VAV1: variants seen among roughly 807,000 people sequenced by gnomAD.
VAV1 encodes the protein proto-oncogene vav.
Under a neutral mutation model 128.1 loss-of-function variants are expected in VAV1, and 33 were observed. That is an observed-to-expected ratio of 0.26 (90% CI 0.20 to 0.34). The LOEUF (loss-of-function observed/expected upper bound fraction) is 0.34. Among genes scored for constraint, VAV1 ranks in the 10% least tolerant of loss-of-function variants. The pLI is 1.00. For synonymous variants in VAV1, 394 were observed against 409.8 expected (o/e 0.96, Z 0.47); for missense variants, 715 against 1,093.7 (o/e 0.65, Z 4.88).
At position 6,825,300 on chromosome 19, in the gene VAV1, T is replaced by C. The variant is rs2144777024; in HGVS notation, c.724-3T>C. On this transcript the variant is annotated splice_polypyrimidine_tract_variant and splice_region_variant and intron_variant, in intron 7 of 26. Coordinates refer to ENST00000602142, the MANE Select transcript of VAV1 (RefSeq NM_005428.4). ...CCCAGCCCTCACCCTTCCCTCCGAGTAGGACCTGCTTCGTGTTCATACTCA... is the reference window on the plus strand; with the variant it reads ...CCCAGCCCTCACCCTTCCCTCCGAGCAGGACCTGCTTCGTGTTCATACTCA... 1 of 1,610,776 alleles carries C rather than the reference T, an allele frequency of 6.2e-7. No individual in the cohort carries two copies. Among genetic ancestry groups the C allele is most frequent in the East Asian group, 2.2e-5 (1 of 44,778 alleles).
At chr19:6,849,509 C>T (rs530430545) in intron 23 of VAV1, among the ~76,000 whole-genome samples, 1 of 150,320 alleles carries the variant, frequency 6.7e-6, no homozygotes, top group Non-Finnish European at 1.5e-5. Context: ...GGGAAAGTTT[C>T]ACCATGTTGG....
At chr19:6,786,067 T>TA (rs1280208907) in intron 1 of VAV1, among the ~76,000 whole-genome samples, 1 of 152,122 alleles carries the variant, frequency 6.6e-6, no homozygotes, top group Non-Finnish European at 1.5e-5. Flanking sequence ...CCATAGCACT[T>TA]AGTGCTCTCT....
Position 6,778,357 on chromosome 19 carries a change from C to T in VAV1, c.204+5346C>T, listed in dbSNP as rs75889945. On this transcript the variant is annotated intron_variant, in intron 1 of 26. Transcript: ENST00000602142. ...CACCAGGACATGGGAGCTGGTTAGA[C>T]CTAGGATGTGGGCAGCTGCTGGGGC... 6.2e-3 allele frequency among the ~76,000 whole-genome samples: 949 copies of T among 152,182 alleles called. 10 individuals carry two copies. Among genetic ancestry groups the T allele is most frequent in the African/African-American group, 0.019 (809 of 41,536 alleles).
chr19:6,775,343 C>T (rs1970599548), intron 1 of VAV1, among the ~76,000 whole-genome samples: 1 of 152,180 alleles, frequency 6.6e-6, no homozygotes, highest in Non-Finnish European at 1.5e-5. Context: ...GGATGAACTT[C>T]CATTCTTGTG....
In VAV1 at chr19:6,772,906, G is replaced by A; in HGVS notation, c.99G>A (p.Leu33=). The A allele has an allele frequency of 6.2e-7, 1 of 1,614,112 alleles. No individual in the cohort carries two copies. Among genetic ancestry groups the A allele is most frequent in the Non-Finnish European group, 8.5e-7 (1 of 1,179,992 alleles). The part of the protein sequence containing the change: ...VTWDGAQVCE[L]AQALRDGVLL... ...GGGATGGGGCTCAGGTGTGTGAACT[G>A]GCCCAGGCCCTCCGGGATGGTGTCC... Residue 33 remains leucine, a synonymous_variant, in exon 1 of 27, where the codon CTG becomes CTA. Transcript: ENST00000602142. The surrounding 1 kb of genome is among the most constrained non-coding windows in gnomAD (Gnocchi z 4.8).
chr19:6,788,011 A>C (rs1970932630), intron 1 of VAV1, among the ~76,000 whole-genome samples: 1 of 151,700 alleles, frequency 6.6e-6, no homozygotes, highest in Non-Finnish European at 1.5e-5. Flanking sequence ...TGGGAGGTGG[A>C]GCTGGCAGTG....
chr19:6,795,405 C>T (rs1971111380), intron 1 of VAV1, among the ~76,000 whole-genome samples: 1 of 152,076 alleles, frequency 6.6e-6, no homozygotes, highest in South Asian at 2.1e-4. Flanking sequence ...ATTGCAGGAT[C>T]GTTTTGAAGA....
At chr19:6,809,957 G>A (rs1971480186) in intron 1 of VAV1, among the ~76,000 whole-genome samples, 1 of 152,010 alleles carries the variant, frequency 6.6e-6, no homozygotes, top group Non-Finnish European at 1.5e-5. Context: ...AATTGTTTGA[G>A]GCCAGGAGTT....
At chr19:6,794,845 T>C (rs1971094951) in intron 1 of VAV1, among the ~76,000 whole-genome samples, 1 of 152,202 alleles carries the variant, frequency 6.6e-6, no homozygotes, top group Non-Finnish European at 1.5e-5. Flanking sequence ...ATAGTGATGA[T>C]GGTGCCTCAG....
At chr19:6,842,161 C>T (rs900535194) in intron 21 of VAV1, among the ~76,000 whole-genome samples, 5 of 151,880 alleles carry the variant, frequency 3.3e-5, no homozygotes, top group Admixed American at 2.6e-4. Context: ...ACCTGGGAGG[C>T]GGAGGTTGCT....
At chr19:6,848,364 T>TAA (rs1972577197) in intron 23 of VAV1, among the ~76,000 whole-genome samples, 1 of 152,134 alleles carries the variant, frequency 6.6e-6, no homozygotes, top group Non-Finnish European at 1.5e-5. Context: ...AGTCAGAGTC[T>TAA]CCCTCTGTCG....
At chr19:6,842,232 A>G (rs567182829) in intron 21 of VAV1, among the ~76,000 whole-genome samples, 22 of 152,248 alleles carry the variant, frequency 1.4e-4, no homozygotes, top group South Asian at 1.2e-3. Flanking sequence ...CTCTGTCTCA[A>G]AAAGAACAAA....
chr19:6,850,024 AG>A (rs1972625735), intron 23 of VAV1, among the ~76,000 whole-genome samples: 1 of 151,952 alleles, frequency 6.6e-6, no homozygotes. Flanking sequence ...TGCTTTCCGC[AG>A]TGGCTGAACC....
intron 19 of VAV1, among the ~76,000 whole-genome samples, chr19:6,834,999 C>T (rs965713027): frequency 2.9e-4 from 44 of 151,512 alleles, no homozygotes; most frequent in African/African-American, 1.0e-3. Context: ...GCCATGATCA[C>T]GCCACTGCAC....
At position 6,839,878 on chromosome 19, in the gene VAV1, G is replaced by A. The variant is rs548317311; in HGVS notation, c.1980+2828G>A. On this transcript the variant is annotated intron_variant, in intron 21 of 26. Transcript: ENST00000602142. ...GCTAATTTTTTGTATTTTTCGTAGC[G>A]ATGGGGTTTTGCCATGTTGCCCAGG... 1.8e-4 allele frequency among the ~76,000 whole-genome samples: 28 copies of A among 152,082 alleles called. 1 individual carries two copies. In the East Asian group the frequency reaches 3.5e-3, roughly 19 times the overall value.
At chr19:6,808,451 G>A (rs1181704916) in intron 1 of VAV1, among the ~76,000 whole-genome samples, 2 of 152,130 alleles carry the variant, frequency 1.3e-5, no homozygotes, top group Non-Finnish European at 2.9e-5. Flanking sequence ...AAGTAACAAG[G>A]ACTTAAATAA....
At chr19:6,851,169 T>G (rs957677018) in intron 24 of VAV1, among the ~76,000 whole-genome samples, 3 of 151,580 alleles carry the variant, frequency 2.0e-5, no homozygotes, top group East Asian at 1.9e-4. Flanking sequence ...TATAGATAGA[T>G]AGAGAGAGAG....
chr19:6,817,949 G>GTGC (rs1228055813), intron 1 of VAV1, among the ~76,000 whole-genome samples: 2 of 152,176 alleles, frequency 1.3e-5, no homozygotes, highest in Non-Finnish European at 2.9e-5. Context: ...GCCTCCCAAA[G>GTGC]TGCTGGGATT....
intron 1 of VAV1, among the ~76,000 whole-genome samples, chr19:6,787,770 T>A (rs545128289): frequency 6.6e-6 from 1 of 152,116 alleles, no homozygotes; most frequent in South Asian, 2.1e-4. Flanking sequence ...ACTGTTTTTT[T>A]AATGTTTTAA....
Sources: gnomAD v4.1 joint callset for allele counts (sites outside exome capture counted in the v4.1 genomes callset) on GRCh38, gnomAD v4.1.1 for gene constraint, Gnocchi (gnomAD v3.1) non-coding constraint, MANE v1.5 for transcripts, NCBI Gene and HGNC (gene_info 2026-07-23, HGNC 2026-07-21) for gene names.